KCNN1: variants seen among roughly 807,000 people sequenced by gnomAD.
KCNN1 encodes potassium calcium-activated channel subfamily N member 1, also known as small conductance calcium-activated potassium channel protein 1.
A neutral mutation model predicts 44.7 loss-of-function variants in KCNN1; 20 were observed. That is an observed-to-expected ratio of 0.45 (90% CI 0.32 to 0.65). The LOEUF (loss-of-function observed/expected upper bound fraction) is 0.65. KCNN1 is among the 30% of genes least tolerant of loss of function. The pLI, the probability that KCNN1 is intolerant of heterozygous loss-of-function variation, is 0.05. For synonymous variants in KCNN1, 324 were observed against 341.7 expected, an observed-to-expected ratio of 0.95 and a Z score of 0.57; for missense variants, 632 against 785.3, an observed-to-expected ratio of 0.80 and a Z score of 2.33.
chr19:17,997,797 C>T (rs937892481), intron 9 of KCNN1, among the ~76,000 whole-genome samples: 1 of 151,952 alleles, frequency 6.6e-6, no homozygotes, highest in Non-Finnish European at 1.5e-5. Flanking sequence ...GCATTTAAGA[C>T]CTGTCTTTTA....
chr19:17,997,912 AAAAG>A (rs2033053104), intron 9 of KCNN1, among the ~76,000 whole-genome samples: 2 of 151,542 alleles, frequency 1.3e-5, no homozygotes, highest in Non-Finnish European at 2.9e-5. Flanking sequence ...AAAAAAAAAA[AAAAG>A]AGAGAAAGAA....
At chr19:17,959,967 CAGCTACTCA>C (rs2031639971) in intron 2 of KCNN1, among the ~76,000 whole-genome samples, 1 of 151,890 alleles carries the variant, frequency 6.6e-6, no homozygotes, top group Non-Finnish European at 1.5e-5. Flanking sequence ...CCTGTAATCC[CAGCTACTCA>C]GGAGGCTGAG....
At chr19:17,966,643 C>T (rs1416132719), upstream of KCNN1, among the ~76,000 whole-genome samples, 5 of 152,184 alleles carry the variant, frequency 3.3e-5, no homozygotes, top group Non-Finnish European at 7.3e-5. Flanking sequence ...GGCCCTACAC[C>T]TGGCTCCCAG....
At chr19:17,979,529 G>C (rs146295311) in intron 3 of KCNN1, among the ~76,000 whole-genome samples, 1,879 of 129,722 alleles carry the variant, frequency 0.014, 44 homozygotes, top group African/African-American at 0.05. Context: ...AAAATAGGGT[G>C]GGGGGTGGGG....
chr19:17,956,487 G>A (rs2031546044), intron 2 of KCNN1, among the ~76,000 whole-genome samples: 1 of 151,986 alleles, frequency 6.6e-6, no homozygotes, highest in African/African-American at 2.4e-5. Context: ...TGATGCCTGT[G>A]ATCCCAGAAC....
intron 3 of KCNN1, among the ~76,000 whole-genome samples, chr19:17,975,438 G>A (rs556780992): frequency 1.0e-3 from 159 of 152,250 alleles, no homozygotes; most frequent in African/African-American, 3.7e-3. Context: ...GCTGAGCTGG[G>A]ACTCTGGGAC....
At chr19:17,958,371 A>G (rs1039600402) in intron 2 of KCNN1, among the ~76,000 whole-genome samples, 1 of 151,856 alleles carries the variant, frequency 6.6e-6, no homozygotes, top group Non-Finnish European at 1.5e-5. Flanking sequence ...CCAGCTACTC[A>G]GGAGGCTGAG....
chr19:17,991,407 C>A (rs552421535), intron 7 of KCNN1, among the ~76,000 whole-genome samples: 1 of 152,264 alleles, frequency 6.6e-6, no homozygotes, highest in African/African-American at 2.4e-5. Context: ...GCTGTGATTG[C>A]GCCACTGCAC....
chr19:17,988,284 GAGCTC>G, intron 5 of KCNN1, 126 bp from the exon 6 acceptor site: 1 of 667,280 alleles, frequency 1.5e-6, no homozygotes, highest in Non-Finnish European at 2.6e-6. Flanking sequence ...TGAAGTCAGT[GAGCTC>G]AGCAGATGGA....
chr19:17,967,902 C>T (rs953267811), intron 1 of KCNN1, among the ~76,000 whole-genome samples: 4 of 151,990 alleles, frequency 2.6e-5, no homozygotes, highest in African/African-American at 9.7e-5. Flanking sequence ...TCCAGGAGAG[C>T]AGGCTAATTG....
At chr19:17,987,964 AC>A (rs944576514) in intron 5 of KCNN1, among the ~76,000 whole-genome samples, 3 of 149,024 alleles carry the variant, frequency 2.0e-5, no homozygotes, top group Non-Finnish European at 3.0e-5. Context: ...ACATGGTGAA[AC>A]CCCCCCTTTA....
rs762351817 is a variant in KCNN1, at chr19:17,998,403, G to A, written c.1629G>A (p.Gly543=). The change falls in exon 10 of 10, where the codon GGG becomes GGA. Residue 543 remains glycine (G), a synonymous_variant. Coordinates refer to ENST00000684775, the MANE Select transcript of KCNN1 (RefSeq NM_001386974.1). This position sits in a 1 kb window ranked among gnomAD's most constrained non-coding sequence, Gnocchi z 5.4. ...RWTPVAPSDC[G] ...CGCCCGTGGCCCCCTCGGACTGCGG[G>A]TGACGGCCCTGCCCGCCACCAGACC... is the stretch of plus-strand genomic sequence containing the variant. The A allele has an allele frequency of 1.4e-6, 2 of 1,472,728 alleles. No individual in the cohort carries two copies. The allele number at this position is 1,472,728 out of a possible 1,614,324, so 91.2% of individuals were successfully genotyped here.
Position 17,999,843 on chromosome 19 carries a change from G to A in KCNN1, c.*1437G>A. On this transcript the variant is annotated 3_prime_UTR_variant, in exon 10 of 10. Coordinates refer to ENST00000684775, the MANE Select transcript of KCNN1 (RefSeq NM_001386974.1). ...ACGAGATAACTAGGCCGTGGCTGGT[G>A]CATGAATGACCAGCTTGGGCCCACG... The A allele has an allele frequency of 5.1e-6, 2 of 393,650 alleles. No homozygotes were observed. The highest frequency in any genetic ancestry group is 1.8e-5 in the South Asian group (1 of 56,422). The allele number at this position is 393,650 out of a possible 1,614,324, so 24.4% of individuals were successfully genotyped here. A position where few individuals can be genotyped will look rare whatever the true frequency, so the allele number is the denominator to read the frequency against.
upstream of KCNN1, among the ~76,000 whole-genome samples, chr19:17,962,193 G>A (rs1231844035): frequency 2.0e-5 from 3 of 152,182 alleles, no homozygotes; most frequent in Non-Finnish European, 4.4e-5. Flanking sequence ...GGGTGGGGCC[G>A]CTGGTGGGCA....
intron 9 of KCNN1, among the ~76,000 whole-genome samples, chr19:17,994,803 C>G (rs2032928183): frequency 6.6e-6 from 1 of 152,210 alleles, no homozygotes; most frequent in African/African-American, 2.4e-5. Context: ...CTCAGCCTCC[C>G]AAAGTGTTGG....
intron 9 of KCNN1, among the ~76,000 whole-genome samples, chr19:17,996,297 C>T (rs2032991683): frequency 6.6e-6 from 1 of 151,670 alleles, no homozygotes; most frequent in African/African-American, 2.4e-5. Context: ...CAGAGCAAGA[C>T]TCTGTCTCTA....
In KCNN1 at chr19:17,998,418, G is replaced by A. The variant is rs1269409002; in HGVS notation, c.*12G>A. On this transcript the variant is annotated 3_prime_UTR_variant, in exon 10 of 10. Coordinates refer to ENST00000684775, the MANE Select transcript of KCNN1 (RefSeq NM_001386974.1). The surrounding 1 kb of genome is among the most constrained non-coding windows in gnomAD (Gnocchi z 5.4). ...CGGACTGCGGGTGACGGCCCTGCCC[G>A]CCACCAGACCCCTAAATCTTGGCCA... 7 of 1,464,186 alleles carry A rather than the reference G, an allele frequency of 4.8e-6. No homozygotes were observed. The highest frequency in any genetic ancestry group is 2.5e-5 in the Admixed American group (1 of 40,280). The allele number at this position is 1,464,186 out of a possible 1,614,324, so 90.7% of individuals were successfully genotyped here.
intron 5 of KCNN1, among the ~76,000 whole-genome samples, chr19:17,985,884 C>T (rs1055137755): frequency 4.6e-5 from 7 of 152,194 alleles, no homozygotes; most frequent in African/African-American, 9.6e-5. Flanking sequence ...AGGGCTAAGT[C>T]GGTTATTTAT....
intron 6 of KCNN1, 30 bp downstream of exon 6, chr19:17,988,555 C>G: frequency 6.6e-7 from 1 of 1,521,700 alleles, no homozygotes; most frequent in Non-Finnish European, 9.1e-7. Context: ...TGGAGGCCGC[C>G]TCCTGGCCTT....
Sources: gnomAD v4.1 joint callset for allele counts (sites outside exome capture counted in the v4.1 genomes callset) on GRCh38, gnomAD v4.1.1 for gene constraint, Gnocchi (gnomAD v3.1) non-coding constraint, MANE v1.5 for transcripts, NCBI Gene and HGNC (gene_info 2026-07-23, HGNC 2026-07-21) for gene names.